TDRD6: variants seen among roughly 807,000 people sequenced by gnomAD.
TDRD6 encodes the protein tudor domain containing 6.
Under a neutral mutation model 157.5 loss-of-function variants are expected in TDRD6, and 186 were observed. The observed-to-expected ratio is 1.18, with a 90% CI of 1.05 to 1.33. The LOEUF (loss-of-function observed/expected upper bound fraction) is 1.33, where lower values mean the gene tolerates loss of function less well. Ranked by LOEUF, TDRD6 falls within the 40% of genes most tolerant of loss-of-function variation. The pLI, the probability that TDRD6 is intolerant of heterozygous loss-of-function variation, is 0.00. For synonymous variants in TDRD6, 1,075 were observed against 945.2 expected, an observed-to-expected ratio of 1.14 and a Z score of -2.52; for missense variants, 3,066 against 2,508.0, an observed-to-expected ratio of 1.22 and a Z score of -4.75.
intron 3 of TDRD6, among the ~76,000 whole-genome samples, chr6:46,699,942 A>G (rs1046975041): frequency 6.6e-6 from 1 of 152,194 alleles, no homozygotes; most frequent in African/African-American, 2.4e-5. Context: ...ACCATTTCCC[A>G]TAGTGTTGGA....
Position 46,689,748 on chromosome 6 carries a change from T to C in TDRD6, c.1620T>C (p.Asp540=), listed in dbSNP as rs1764248946. 1.9e-6 allele frequency: 3 copies of C among 1,614,210 alleles called. No individual in the cohort carries two copies. The East Asian group carries it at 6.7e-5, about 36-fold the overall frequency. Residue 540 remains aspartate, a synonymous_variant, in exon 1 of 4, where the codon GAT becomes GAC. Coordinates refer to ENST00000316081, the MANE Select transcript of TDRD6 (RefSeq NM_001010870.3). The part of the protein sequence containing the change: ...LDGVVLKPEP[D]DLCCVKWKEN... Reference sequence around the variant, plus strand: ...GTGTAGTTTTGAAACCTGAACCTGATGACCTTTGCTGTGTCAAGTGGAAAG... The same window carrying C: ...GTGTAGTTTTGAAACCTGAACCTGACGACCTTTGCTGTGTCAAGTGGAAAG...
chr6:46,683,848 C>G (rs1194292736), upstream of TDRD6, among the ~76,000 whole-genome samples: 1 of 152,042 alleles, frequency 6.6e-6, no homozygotes, highest in Non-Finnish European at 1.5e-5. Context: ...TTATCCATGT[C>G]ACCCTGAGAT....
In TDRD6 at chr6:46,688,253, AG is replaced by A. The variant is rs1562051266; in HGVS notation, c.126del (p.Glu42AspfsTer5). ...GGGCTGGTGGGCGAGCGGCGGGGCG[AG>A]TACCTGCGGCTGAGCCGGGAAATCC... ...LWGLVGERRG[E>X]YLRLSREIQE... On this transcript the variant is annotated frameshift_variant, in exon 1 of 4. Coordinates refer to ENST00000316081, the MANE Select transcript of TDRD6 (RefSeq NM_001010870.3). LOFTEE classifies it high-confidence loss of function. 2.0e-6 allele frequency: 3 copies of A among 1,516,092 alleles called. No individual in the cohort carries two copies. The highest frequency in any genetic ancestry group is 2.6e-6 in the Non-Finnish European group (3 of 1,139,228). The allele number at this position is 1,516,092 out of a possible 1,614,324, so 93.9% of individuals were successfully genotyped here. A position where few individuals can be genotyped will look rare whatever the true frequency, so the allele number is the denominator to read the frequency against.
chr6:46,692,078 T>C lies in TDRD6; in HGVS notation c.3950T>C (p.Leu1317Pro), dbSNP rs1306755640. The change falls in exon 1 of 4, where the codon CTT (leucine) becomes CCT (proline). Residue 1317 changes from leucine to proline, a missense_variant. By Grantham distance (98) the Leu-to-Pro change is moderately conservative. Coordinates refer to ENST00000316081, the MANE Select transcript of TDRD6 (RefSeq NM_001010870.3). ...TTVYVSHIND[L>P]SDFYVQLIED... ...GTATATGTTTCTCATATAAATGACC[T>C]TTCAGACTTTTATGTTCAACTAATA... The C allele has an allele frequency of 1.2e-6, 2 of 1,612,806 alleles. No homozygotes were observed. The highest frequency in any genetic ancestry group is 1.7e-5 in the Admixed American group (1 of 59,732).
chr6:46,684,621 A>ATTT (rs899112197), upstream of TDRD6, among the ~76,000 whole-genome samples: 1 of 151,024 alleles, frequency 6.6e-6, no homozygotes, highest in Admixed American at 6.6e-5. Context: ...ACCTTTTACT[A>ATTT]TTTTTTTTTC....
chr6:46,695,083 T>C (rs1398375705), intron 1 of TDRD6, among the ~76,000 whole-genome samples: 1 of 152,180 alleles, frequency 6.6e-6, no homozygotes, highest in African/African-American at 2.4e-5. Flanking sequence ...TAGCTTTTTA[T>C]AATCAATGCT....
In TDRD6 at chr6:46,688,403, A is replaced by G; in HGVS notation, c.275A>G (p.Gln92Arg). 1 of 1,538,446 alleles carries G rather than the reference A, an allele frequency of 6.5e-7. No individual in the cohort carries two copies. The highest frequency in any genetic ancestry group is 8.7e-7 in the Non-Finnish European group (1 of 1,145,574). The stretch of plus-strand genomic sequence containing the variant: ...TGCCGCGTGGTCAGCCGGCAGGCAC[A>G]GGAGAGCCGTGTCTTCCTGCTGGAC... ...HRCRVVSRQA[Q>R]ESRVFLLDEG... is the part of the protein sequence containing the mutation. The change falls in exon 1 of 4, where the codon CAG (glutamine) becomes CGG (arginine). Residue 92 changes from glutamine (Q) to arginine (R), a missense_variant. Transcript: ENST00000316081.
At position 46,692,999 on chromosome 6, in the gene TDRD6, T is replaced by A. The variant is rs756032752; in HGVS notation, c.4871T>A (p.Leu1624His). 8.7e-6 allele frequency: 14 copies of A among 1,612,438 alleles called. No individual in the cohort carries two copies. The highest frequency in any genetic ancestry group is 8.4e-5 in the Admixed American group (5 of 59,804). ...GCACTCTGGGCCATTCCTTCTGAAC[T>A]TCTGTCGGTTCCCATGCAAGCCTTT... is the stretch of plus-strand genomic sequence containing the variant. ...PKALWAIPSE[L>H]LSVPMQAFPC... is the part of the protein sequence containing the mutation. The change falls in exon 1 of 4, where the codon CTT becomes CAT. Residue 1624 changes from leucine (L) to histidine (H), a missense_variant. Leu to His is a moderately conservative substitution (Grantham distance 99, BLOSUM62 -3). Coordinates refer to ENST00000316081, the MANE Select transcript of TDRD6 (RefSeq NM_001010870.3).
the TDRD6 span, among the ~76,000 whole-genome samples, chr6:46,680,818 G>C: frequency 1.3e-5 from 2 of 152,108 alleles, no homozygotes; most frequent in South Asian, 4.1e-4. Context: ...AGTTTATTCT[G>C]TTCCCTCCAT....
chr6:46,701,222 A>G (rs1049186435), intron 3 of TDRD6, among the ~76,000 whole-genome samples: 6 of 152,184 alleles, frequency 3.9e-5, no homozygotes, highest in East Asian at 1.9e-4. Context: ...ATTTAAATAT[A>G]CTTATGGAGA....
In TDRD6 at chr6:46,704,012, G is replaced by A. The variant is rs1764692047; in HGVS notation, c.*2125G>A. ...GAAATTGTGTAGTACCACCAATCCT[G>A]TGCTGAAACAATGGCTTTTGCTTGT... is the stretch of plus-strand genomic sequence containing the variant. On this transcript the variant is annotated 3_prime_UTR_variant, in exon 4 of 4. Transcript: ENST00000316081. 6.4e-6 allele frequency: 1 copy of A among 157,098 alleles called. No individual in the cohort carries two copies. Among genetic ancestry groups the A allele is most frequent in the Admixed American group, 6.2e-5 (1 of 16,186 alleles). 9.7% of individuals were successfully genotyped at this position (157,098 alleles called of 1,614,324 possible).
upstream of TDRD6, among the ~76,000 whole-genome samples, chr6:46,683,247 C>T (rs991817400): frequency 1.3e-5 from 2 of 151,956 alleles, no homozygotes; most frequent in Non-Finnish European, 2.9e-5. Context: ...GGCAGTATAA[C>T]AATTGGATAT....
chr6:46,697,148 A>C (rs9472822), intron 2 of TDRD6, among the ~76,000 whole-genome samples: 6,120 of 152,114 alleles, frequency 0.04, 320 homozygotes, highest in African/African-American at 0.13. Context: ...ATGGACATCA[A>C]AATTCTTGAC....
chr6:46,687,822 G>A (rs1582537155), upstream of TDRD6: 12 of 338,610 alleles, frequency 3.5e-5, no homozygotes, highest in East Asian at 7.6e-4. Context: ...GCCAACCCCA[G>A]GCCTCGGCTG....
chr6:46,696,799 G>A (rs1041884408), intron 2 of TDRD6, among the ~76,000 whole-genome samples: 4 of 150,324 alleles, frequency 2.7e-5, no homozygotes, highest in African/African-American at 9.8e-5. Flanking sequence ...TTTTAGTAGA[G>A]ACGGGGTTTC....
Position 46,692,926 on chromosome 6 carries a change from G to T in TDRD6, c.4798G>T (p.Val1600Phe). The part of the protein sequence containing the change: ...TNICEDYLVS[V>F]RLVDFGNIED... ...TATTTGTGAAGATTATCTTGTATCT[G>T]TCAGGCTTGTGGACTTTGGAAACAT... is the stretch of plus-strand genomic sequence containing the variant. Residue 1600 changes from valine (V) to phenylalanine (F), a missense_variant, in exon 1 of 4, where the codon GTC becomes TTC. Coordinates refer to ENST00000316081, the MANE Select transcript of TDRD6 (RefSeq NM_001010870.3). The T allele has an allele frequency of 6.2e-7, 1 of 1,614,100 alleles. No individual in the cohort carries two copies. Among genetic ancestry groups the T allele is most frequent in the Non-Finnish European group, 8.5e-7 (1 of 1,180,006 alleles).
At chr6:46,681,728 G>C in the TDRD6 span, among the ~76,000 whole-genome samples, 3 of 152,124 alleles carry the variant, frequency 2.0e-5, no homozygotes, top group Admixed American at 6.5e-5. Flanking sequence ...GTTTTGTCCT[G>C]ATATAGTTCT....
rs1219145452 is a variant in TDRD6, at chr6:46,703,985, T to C, written c.*2098T>C. On this transcript the variant is annotated 3_prime_UTR_variant, in exon 4 of 4. Coordinates refer to ENST00000316081, the MANE Select transcript of TDRD6 (RefSeq NM_001010870.3). ...CTTCTCTACTCCTTTTAGTCATCAT[T>C]TGAAATTGTGTAGTACCACCAATCC... is the stretch of plus-strand genomic sequence containing the variant. 6.5e-6 allele frequency: 1 copy of C among 153,716 alleles called. No homozygotes were observed. The highest frequency in any genetic ancestry group is 1.9e-4 in the East Asian group (1 of 5,212). The allele number at this position is 153,716 out of a possible 1,614,324, so 9.5% of individuals were successfully genotyped here.
rs761878939 is a variant in TDRD6 at position 46,690,238 on chromosome 6, G to A, written c.2110G>A (p.Gly704Arg). 1 of 1,613,488 alleles carries A rather than the reference G, an allele frequency of 6.2e-7. No homozygotes were observed. Among genetic ancestry groups the A allele is most frequent in the African/African-American group, 1.3e-5 (1 of 74,898 alleles). ...ESNKIPFAKT[G>R]EGEQKAKREN... The stretch of plus-strand genomic sequence containing the variant: ...TAACAAAATACCTTTTGCCAAGACT[G>A]GAGAAGGAGAGCAGAAAGCCAAGAG... The change falls in exon 1 of 4, where the codon GGA becomes AGA. Residue 704 changes from glycine to arginine, a missense_variant. By Grantham distance (125) the Gly-to-Arg change is moderately radical. Transcript: ENST00000316081.
Sources: allele counts gnomAD v4.1 joint callset (sites outside exome capture counted in the v4.1 genomes callset), GRCh38; gene constraint gnomAD v4.1.1; transcripts MANE v1.5; gene names NCBI Gene and HGNC (gene_info 2026-07-23, HGNC 2026-07-21).